EPB41L5: variants seen among roughly 807,000 people sequenced by gnomAD.
EPB41L5 encodes band 4.1-like protein 5.
A neutral mutation model predicts 106.6 loss-of-function variants in EPB41L5; 55 were observed. That is an observed-to-expected ratio of 0.52 (90% confidence interval 0.42 to 0.65). The LOEUF is 0.65. EPB41L5 is among the 30% of genes least tolerant of loss of function. EPB41L5 has a pLI of 0.00. For synonymous variants in EPB41L5, 297 were observed against 306.7 expected (o/e 0.97, Z 0.33); for missense variants, 871 against 882.1 (o/e 0.99, Z 0.16).
At chr2:120,025,902 A>T (rs1189738042) in intron 2 of EPB41L5, among the ~76,000 whole-genome samples, 3 of 152,234 alleles carry the variant, frequency 2.0e-5, no homozygotes, top group Admixed American at 2.0e-4. Flanking sequence ...AAGCAACAAT[A>T]AGTTGGTGTG....
At chr2:120,022,782 A>AATTT (rs1678027349) in intron 2 of EPB41L5, among the ~76,000 whole-genome samples, 2 of 152,178 alleles carry the variant, frequency 1.3e-5, no homozygotes, top group South Asian at 4.1e-4. Context: ...TGGTTGAACT[A>AATTT]ATTTACACTC....
rs1231563245 is a variant in EPB41L5, at chr2:120,060,619, TGGG to T, written c.286-12556_286-12554del. Among the ~76,000 whole-genome samples the T allele has an allele frequency of 3.3e-5, 5 of 152,292 alleles. No individual in the cohort carries two copies. The South Asian group carries it at 6.2e-4, about 19-fold the overall frequency. ...TGCTAAGGGTTAGGGATATTGGCGTTGGGGGAGTGGTGACTATAAATGAGTAAT... is the reference window on the plus strand; with the variant it reads ...TGCTAAGGGTTAGGGATATTGGCGTTGGAGTGGTGACTATAAATGAGTAAT... On this transcript the variant is annotated intron_variant, in intron 3 of 24. Transcript: ENST00000263713.
chr2:120,147,235 G>A (rs974922995), intron 20 of EPB41L5, among the ~76,000 whole-genome samples: 7 of 152,128 alleles, frequency 4.6e-5, no homozygotes, highest in Non-Finnish European at 8.8e-5. Context: ...TGTAGGCCTA[G>A]CTCCTCAAAA....
intron 2 of EPB41L5, among the ~76,000 whole-genome samples, chr2:120,034,899 T>G (rs1678945621): frequency 6.7e-6 from 1 of 149,094 alleles, no homozygotes; most frequent in Admixed American, 6.6e-5. Context: ...AGCAGTACTT[T>G]GTTGTTGTTA....
At chr2:120,018,877 C>T (rs575746251) in intron 1 of EPB41L5, among the ~76,000 whole-genome samples, 200 bp from the exon 2 acceptor site, 31 of 152,268 alleles carry the variant, frequency 2.0e-4, no homozygotes, top group Non-Finnish European at 4.3e-4. Context: ...AACTCCTGGG[C>T]TCTAGCAGTC....
At chr2:120,145,784 A>G (rs1449925732) in intron 19 of EPB41L5, among the ~76,000 whole-genome samples, 1 of 152,066 alleles carries the variant, frequency 6.6e-6, no homozygotes, top group East Asian at 1.9e-4. Context: ...TGTCTCTACT[A>G]AAAATACAAA....
intron 1 of EPB41L5, 111 bp downstream of exon 1, chr2:120,013,321 G>C (rs1677262817): frequency 6.6e-6 from 1 of 152,292 alleles, no homozygotes; most frequent in Admixed American, 6.5e-5. Flanking sequence ...GGGGAGGCGG[G>C]CGGGGGCCGC....
intron 3 of EPB41L5, among the ~76,000 whole-genome samples, chr2:120,070,726 A>G (rs1254590562): frequency 1.3e-5 from 2 of 152,222 alleles, no homozygotes; most frequent in Admixed American, 6.5e-5. Flanking sequence ...AACAGAACCA[A>G]TGACAAAAAC....
At chr2:120,064,166 CT>C (rs1681287087) in intron 3 of EPB41L5, among the ~76,000 whole-genome samples, 1 of 152,160 alleles carries the variant, frequency 6.6e-6, no homozygotes, top group Non-Finnish European at 1.5e-5. Flanking sequence ...TGTATTCATC[CT>C]CTCTTTCCTT....
chr2:120,145,639 TA>T (rs985469923), intron 19 of EPB41L5, among the ~76,000 whole-genome samples: 2 of 151,952 alleles, frequency 1.3e-5, no homozygotes, highest in East Asian at 3.9e-4. Flanking sequence ...AACTGTACTT[TA>T]AAAAAAATTG....
intron 16 of EPB41L5, among the ~76,000 whole-genome samples, chr2:120,119,122 C>A (rs995816670): frequency 7.9e-5 from 12 of 151,954 alleles, no homozygotes; most frequent in Non-Finnish European, 1.6e-4. Flanking sequence ...TTGTTGGCCG[C>A]ATGTATGTCT....
chr2:120,041,790 C>G (rs1035855993), intron 2 of EPB41L5, among the ~76,000 whole-genome samples: 1 of 152,162 alleles, frequency 6.6e-6, no homozygotes, highest in African/African-American at 2.4e-5. Context: ...AAGTAACACT[C>G]TCCAGGAAAA....
chr2:120,049,111 T>A (rs1455870657), intron 3 of EPB41L5, among the ~76,000 whole-genome samples: 2 of 152,206 alleles, frequency 1.3e-5, no homozygotes, highest in Non-Finnish European at 2.9e-5. Flanking sequence ...GTAAGTGTGA[T>A]GTGGTGCTGA....
chr2:120,171,519 G>A (rs530362551), intron 24 of EPB41L5, among the ~76,000 whole-genome samples: 1 of 152,210 alleles, frequency 6.6e-6, no homozygotes, highest in Non-Finnish European at 1.5e-5. Context: ...CTGAACACGG[G>A]AAGACTAACT....
rs79396543 is a variant in EPB41L5 at position 120,030,191 on chromosome 2, G to A, written c.180+10927G>A. ...ACAAGATTGGTAATAACCATTTCCCGAAAAGACCCCCTTCTTGCCTGGGGC... is the reference window on the plus strand; with the variant it reads ...ACAAGATTGGTAATAACCATTTCCCAAAAAGACCCCCTTCTTGCCTGGGGC... On this transcript the variant is annotated intron_variant, in intron 2 of 24. Transcript: ENST00000263713. 7.6e-3 allele frequency among the ~76,000 whole-genome samples: 1,162 copies of A among 152,228 alleles called. 12 individuals carry two copies. Among genetic ancestry groups the A allele is most frequent in the African/African-American group, 0.027 (1,101 of 41,542 alleles).
At chr2:120,053,993 C>A (rs1680459532) in intron 3 of EPB41L5, among the ~76,000 whole-genome samples, 1 of 152,144 alleles carries the variant, frequency 6.6e-6, no homozygotes, top group Non-Finnish European at 1.5e-5. Flanking sequence ...CCAAACTTTT[C>A]CAGTGATGGC....
chr2:120,157,344 C>G (rs1458010649), intron 20 of EPB41L5, among the ~76,000 whole-genome samples: 1 of 151,796 alleles, frequency 6.6e-6, no homozygotes, highest in African/African-American at 2.4e-5. Flanking sequence ...TTAGAAAGAT[C>G]TCAATTTAAC....
At chr2:120,014,103 C>T (rs958699553) in intron 1 of EPB41L5, among the ~76,000 whole-genome samples, 5 of 152,124 alleles carry the variant, frequency 3.3e-5, no homozygotes, top group African/African-American at 1.2e-4. Context: ...AATACTGGGA[C>T]AAAATATAGT....
At chr2:120,014,986 C>A (rs1447021188) in intron 1 of EPB41L5, among the ~76,000 whole-genome samples, 1 of 147,226 alleles carries the variant, frequency 6.8e-6, no homozygotes, top group Non-Finnish European at 1.5e-5. Flanking sequence ...AAAAAAAAAA[C>A]CCACAACTTT....
Sources: gnomAD v4.1 joint callset for allele counts (sites outside exome capture counted in the v4.1 genomes callset) on GRCh38, gnomAD v4.1.1 for gene constraint, MANE v1.5 for transcripts, NCBI Gene and HGNC (gene_info 2026-07-23, HGNC 2026-07-21) for gene names.